B3GALT1: variants seen among roughly 807,000 people sequenced by gnomAD.
The protein encoded by B3GALT1 is beta-1,3-galactosyltransferase 1.
Under a neutral mutation model 23.2 loss-of-function variants are expected in B3GALT1, and 10 were observed. The observed-to-expected ratio is 0.43, with a 90% confidence interval of 0.27 to 0.73. B3GALT1 has a LOEUF of 0.73. B3GALT1 is among the 30% of genes least tolerant of loss of function. The pLI is 0.21. For missense variants in B3GALT1, 299 were observed against 405.4 expected, an observed-to-expected ratio of 0.74 and a Z score of 2.25; for synonymous variants, 156 against 141.5, an observed-to-expected ratio of 1.10 and a Z score of -0.73.
intron 3 of B3GALT1, among the ~76,000 whole-genome samples, chr2:167,763,690 GAAAA>G (rs35567239): frequency 1.2e-5 from 1 of 82,066 alleles, no homozygotes. Context: ...GACTCTGTCA[GAAAA>G]AAAAAAAAAA....
At chr2:167,577,659 G>A (rs888937022) in intron 2 of B3GALT1, among the ~76,000 whole-genome samples, 2 of 151,622 alleles carry the variant, frequency 1.3e-5, no homozygotes, top group Admixed American at 6.6e-5. Context: ...CTTTAAGCTC[G>A]ATCATATTTC....
intron 3 of B3GALT1, among the ~76,000 whole-genome samples, chr2:167,742,244 A>T (rs1236228700): frequency 6.6e-6 from 1 of 152,146 alleles, no homozygotes; most frequent in African/African-American, 2.4e-5. Flanking sequence ...AGTATGAGAG[A>T]CAGTTGCTTC....
intron 1 of B3GALT1, among the ~76,000 whole-genome samples, chr2:167,460,644 A>G (rs899515663): frequency 6.6e-6 from 1 of 151,458 alleles, no homozygotes; most frequent in Non-Finnish European, 1.5e-5. Flanking sequence ...TGAATGTGCC[A>G]TACTTTCTGG....
chr2:167,511,312 G>A (rs906822886), intron 2 of B3GALT1, among the ~76,000 whole-genome samples: 1 of 152,156 alleles, frequency 6.6e-6, no homozygotes, highest in African/African-American at 2.4e-5. Context: ...TCGAATCATT[G>A]GGATGGTTTT....
Position 167,388,124 on chromosome 2 carries a change from C to T in B3GALT1, c.-511+94790C>T, listed in dbSNP as rs117653251. 2.8e-3 allele frequency among the ~76,000 whole-genome samples: 427 copies of T among 152,180 alleles called. 3 individuals carry two copies. Among genetic ancestry groups the T allele is most frequent in the East Asian group, 0.018 (92 of 5,162 alleles). Reference sequence around the variant, plus strand: ...GCATTCTAGAGATGGAGGAGACCTTCGGAGGCATTAGAATACTAAATCCTG... The same window carrying T: ...GCATTCTAGAGATGGAGGAGACCTTTGGAGGCATTAGAATACTAAATCCTG... On this transcript the variant is annotated intron_variant, in intron 1 of 4. Transcript: ENST00000392690.
intron 4 of B3GALT1, among the ~76,000 whole-genome samples, chr2:167,867,058 C>T (rs545891630): frequency 2.0e-5 from 3 of 151,804 alleles, no homozygotes; most frequent in South Asian, 2.1e-4. Context: ...TCCCGAGTAG[C>T]TGGGACTACA....
At chr2:167,565,983 C>G (rs184175640) in intron 2 of B3GALT1, among the ~76,000 whole-genome samples, 61 of 152,148 alleles carry the variant, frequency 4.0e-4, no homozygotes, top group African/African-American at 1.3e-3. Context: ...CCATTTGACC[C>G]AGCCATCCCA....
intron 3 of B3GALT1, among the ~76,000 whole-genome samples, chr2:167,768,387 T>C (rs1688013028): frequency 6.6e-6 from 1 of 152,228 alleles, no homozygotes; most frequent in South Asian, 2.1e-4. Flanking sequence ...TCTTCCTTCC[T>C]TTCTTTTTTC....
intron 1 of B3GALT1, among the ~76,000 whole-genome samples, chr2:167,340,404 A>G (rs996710113): frequency 2.0e-5 from 3 of 152,014 alleles, no homozygotes; most frequent in Admixed American, 2.0e-4. Context: ...TCTAAAGAAC[A>G]TGCAGTCTAC....
chr2:167,746,480 G>T (rs1394864045), intron 3 of B3GALT1, among the ~76,000 whole-genome samples: 1 of 152,148 alleles, frequency 6.6e-6, no homozygotes, highest in Non-Finnish European at 1.5e-5. Flanking sequence ...GCATCATGTT[G>T]TGTGAGCATG....
At chr2:167,601,233 T>C (rs1684873241) in intron 2 of B3GALT1, among the ~76,000 whole-genome samples, 1 of 151,842 alleles carries the variant, frequency 6.6e-6, no homozygotes, top group African/African-American at 2.4e-5. Flanking sequence ...CTAATTTTTG[T>C]ATTTTTAATA....
chr2:167,483,912 A>T (rs1026444958), intron 1 of B3GALT1, among the ~76,000 whole-genome samples: 4 of 152,018 alleles, frequency 2.6e-5, no homozygotes, highest in African/African-American at 9.7e-5. Flanking sequence ...CTATCCATGG[A>T]TCGCATGGAA....
chr2:167,480,061 C>T (rs893881388), intron 1 of B3GALT1, among the ~76,000 whole-genome samples: 6 of 152,056 alleles, frequency 3.9e-5, no homozygotes, highest in Non-Finnish European at 5.9e-5. Flanking sequence ...ATCTGGAAAG[C>T]GCAATCTTGG....
intron 4 of B3GALT1, among the ~76,000 whole-genome samples, chr2:167,859,382 G>A (rs1256092279): frequency 6.6e-6 from 1 of 152,060 alleles, no homozygotes; most frequent in East Asian, 1.9e-4. Flanking sequence ...TCTAGAACTA[G>A]GGCAACACAT....
At chr2:167,730,721 A>G (rs1687397742) in intron 3 of B3GALT1, among the ~76,000 whole-genome samples, 1 of 152,232 alleles carries the variant, frequency 6.6e-6, no homozygotes, top group African/African-American at 2.4e-5. Flanking sequence ...ATTTAGCAGG[A>G]AACTGAATAA....
At chr2:167,802,768 G>C (rs116515798) in intron 3 of B3GALT1, among the ~76,000 whole-genome samples, 1 of 151,946 alleles carries the variant, frequency 6.6e-6, no homozygotes, top group Non-Finnish European at 1.5e-5. Context: ...TTAGAGCAAC[G>C]CATGTAATCC....
At chr2:167,682,798 G>A (rs1185560720) in intron 3 of B3GALT1, among the ~76,000 whole-genome samples, 1 of 152,210 alleles carries the variant, frequency 6.6e-6, no homozygotes, top group Non-Finnish European at 1.5e-5. Context: ...ACCCGGTAGA[G>A]CCCTTAGGGA....
intron 4 of B3GALT1, among the ~76,000 whole-genome samples, chr2:167,836,752 A>G (rs900581821): frequency 6.6e-6 from 1 of 152,226 alleles, no homozygotes; most frequent in Non-Finnish European, 1.5e-5. Context: ...GAAATGAAGG[A>G]AAAAATTTTA....
intron 4 of B3GALT1, among the ~76,000 whole-genome samples, chr2:167,844,272 CCA>C (rs1335165539): frequency 6.6e-6 from 1 of 152,114 alleles, no homozygotes; most frequent in African/African-American, 2.4e-5. Flanking sequence ...GATTGCAGCT[CCA>C]CACAGAGCAG....
Sources: gnomAD v4.1 joint callset for allele counts (sites outside exome capture counted in the v4.1 genomes callset) on GRCh38, gnomAD v4.1.1 for gene constraint, MANE v1.5 for transcripts, NCBI Gene and HGNC (gene_info 2026-07-23, HGNC 2026-07-21) for gene names.